PTK6: variants seen among roughly 807,000 people sequenced by gnomAD.
PTK6 encodes protein tyrosine kinase 6.
PTK6 carries 47 observed loss-of-function variants against 47.5 expected under a neutral mutation model. The observed-to-expected ratio is 0.99, with a 90% CI of 0.78 to 1.26. The LOEUF is 1.26. PTK6 is among the 50% of genes most tolerant of loss of function. PTK6 has a pLI of 0.00. For synonymous variants in PTK6, 287 were observed against 276.5 expected (o/e 1.04, Z -0.38); for missense variants, 618 against 625.3 (o/e 0.99, Z 0.12).
chr20:63,531,663 C>T (rs541896272), intron 5 of PTK6, among the ~76,000 whole-genome samples: 6 of 151,056 alleles, frequency 4.0e-5, no homozygotes, highest in African/African-American at 1.5e-4. Context: ...TCTAGCCCAG[C>T]GATTTCCCTT....
chr20:63,532,295 T>G (rs958685835), intron 5 of PTK6, among the ~76,000 whole-genome samples: 11 of 124,780 alleles, frequency 8.8e-5, no homozygotes, highest in African/African-American at 4.7e-4. Context: ...GTGATGTGTC[T>G]TGTGTGTGTG....
rs775023802 is a variant in PTK6, at chr20:63,537,147, G to T, written c.168C>A (p.Ala56=). Residue 56 remains alanine (A), a synonymous_variant, in exon 1 of 8, where the codon GCC becomes GCA. Transcript: ENST00000542869. The part of the protein sequence containing the change: ...WATLLDEAGG[A]VAQGYVPHNY... Reference sequence around the variant, plus strand: ...TGTGGGGCACATAGCCCTGGGCCACGGCCCCACCCGCCTCGTCCAGCAGCG... The same window carrying T: ...TGTGGGGCACATAGCCCTGGGCCACTGCCCCACCCGCCTCGTCCAGCAGCG... 1.9e-6 allele frequency: 3 copies of T among 1,610,216 alleles called. No individual in the cohort carries two copies. Among genetic ancestry groups the T allele is most frequent in the East Asian group, 4.5e-5 (2 of 44,684 alleles).
rs532542084 is a variant in PTK6, at chr20:63,529,988, G to C, written c.1168+90C>G. On this transcript the variant is annotated intron_variant, in intron 7 of 7. Transcript: ENST00000542869. The surrounding 1 kb of genome is among the most constrained non-coding windows in gnomAD (Gnocchi z 5.6). ...GCCCGCGGAGGGCCCTGAAGCCCGT[G>C]GGGGAGGCACCCCCCAGCGTCCCTG... The C allele has an allele frequency of 1.3e-6, 2 of 1,493,608 alleles. No individual in the cohort carries two copies. The highest frequency in any genetic ancestry group is 1.8e-6 in the Non-Finnish European group (2 of 1,092,334). The allele number at this position is 1,493,608 out of a possible 1,614,324, so 92.5% of individuals were successfully genotyped here.
chr20:63,530,047 C>T lies in PTK6; in HGVS notation c.1168+31G>A, dbSNP rs1351665169. 4.3e-6 allele frequency: 7 copies of T among 1,611,664 alleles called. No individual in the cohort carries two copies. In the South Asian group the frequency reaches 5.5e-5, roughly 13 times the overall value. On this transcript the variant is annotated intron_variant, in intron 7 of 7. Coordinates refer to ENST00000542869, the MANE Select transcript of PTK6 (RefSeq NM_005975.4). This position sits in a 1 kb window ranked among gnomAD's most constrained non-coding sequence, Gnocchi z 4.1. ...CCAGGACCTCCCCCACTCTGCCTCT[C>T]ATGCCCAGTCAGGGACAGTGGGGAC...
At chr20:63,531,436 AAAT>A (rs1216581349) in intron 5 of PTK6, among the ~76,000 whole-genome samples, 17 of 106,894 alleles carry the variant, frequency 1.6e-4, no homozygotes, top group African/African-American at 1.0e-3. Flanking sequence ...AAAAAAAAAA[AAAT>A]ATATATATAT....
At chr20:63,534,902 C>T (rs760579268) in intron 2 of PTK6, 36 bp downstream of exon 2, 6 of 1,567,296 alleles carry the variant, frequency 3.8e-6, no homozygotes, top group Non-Finnish European at 4.3e-6. Flanking sequence ...CAGGAGCCCC[C>T]GCAGGCAAGC....
At chr20:63,536,700 C>T in intron 1 of PTK6, among the ~76,000 whole-genome samples, 1 of 152,188 alleles carries the variant, frequency 6.6e-6, no homozygotes, top group East Asian at 1.9e-4. Flanking sequence ...GCTTCGTTTC[C>T]CCCAAAGGCC....
chr20:63,534,094 G>A, intron 3 of PTK6, 58 bp downstream of exon 3: 2 of 1,477,886 alleles, frequency 1.4e-6, no homozygotes, highest in Non-Finnish European at 1.8e-6. Context: ...AGTAGGAAAT[G>A]CCAGCCTGTG....
At chr20:63,534,514 C>T (rs914050850) in intron 2 of PTK6, among the ~76,000 whole-genome samples, 199 bp from the exon 3 acceptor site, 6 of 152,216 alleles carry the variant, frequency 3.9e-5, no homozygotes, top group African/African-American at 1.4e-4. Context: ...TCTGGCCCCT[C>T]CTGCCCCCGT....
In PTK6 at chr20:63,533,719, G is replaced by T; in HGVS notation, c.517-15C>A. ...TCAGGCTCGTGCTGGAGGAAGAGTC[G>T]GGGACACAGGGCAGGGGCTCATCCT... On this transcript the variant is annotated splice_polypyrimidine_tract_variant and intron_variant, in intron 3 of 7. Transcript: ENST00000542869. The surrounding 1 kb of genome is among the most constrained non-coding windows in gnomAD (Gnocchi z 4.0). 6.2e-7 allele frequency: 1 copy of T among 1,607,684 alleles called. No homozygotes were observed. Among genetic ancestry groups the T allele is most frequent in the Non-Finnish European group, 8.5e-7 (1 of 1,177,152 alleles).
At position 63,529,277 on chromosome 20, in the gene PTK6, C is replaced by T. The variant is rs2082599656; in HGVS notation, c.*259G>A. The stretch of plus-strand genomic sequence containing the variant: ...CAGAGTCCCCTCTGACCTCTGCTGG[C>T]TTCGTGTCAGTCTCCCGGATCTCAT... On this transcript the variant is annotated 3_prime_UTR_variant, in exon 8 of 8. Coordinates refer to ENST00000542869, the MANE Select transcript of PTK6 (RefSeq NM_005975.4). The surrounding 1 kb of genome is among the most constrained non-coding windows in gnomAD (Gnocchi z 5.6). The T allele has an allele frequency of 5.3e-6, 2 of 377,138 alleles. No individual in the cohort carries two copies. The highest frequency in any genetic ancestry group is 9.5e-6 in the Non-Finnish European group (2 of 209,670). 23.4% of individuals were successfully genotyped at this position (377,138 alleles called of 1,614,324 possible).
At chr20:63,532,771 A>G in intron 4 of PTK6, 84 bp from the exon 5 acceptor site, 1 of 1,512,844 alleles carries the variant, frequency 6.6e-7, no homozygotes, top group East Asian at 2.3e-5. Context: ...CCCCACACAC[A>G]GCAGCCATCA....
At chr20:63,534,083 C>T in intron 3 of PTK6, 69 bp downstream of exon 3, 16 of 1,468,986 alleles carry the variant, frequency 1.1e-5, no homozygotes, top group South Asian at 1.1e-4. Flanking sequence ...CAACCTCTCC[C>T]AGTAGGAAAT....
intron 5 of PTK6, among the ~76,000 whole-genome samples, chr20:63,532,299 G>A (rs1421150705): frequency 7.1e-6 from 1 of 140,500 alleles, no homozygotes; most frequent in African/African-American, 3.3e-5. Context: ...TGTGTCTTGT[G>A]TGTGTGTCTG....
chr20:63,534,901 C>A (rs775395566), intron 2 of PTK6, 37 bp downstream of exon 2: 1 of 1,567,198 alleles, frequency 6.4e-7, no homozygotes, highest in East Asian at 2.3e-5. Flanking sequence ...CCAGGAGCCC[C>A]CGCAGGCAAG....
In PTK6 at chr20:63,530,326, G is replaced by A; in HGVS notation, c.1015-95C>T. On this transcript the variant is annotated intron_variant, in intron 6 of 7. Coordinates refer to ENST00000542869, the MANE Select transcript of PTK6 (RefSeq NM_005975.4). The surrounding 1 kb of genome is among the most constrained non-coding windows in gnomAD (Gnocchi z 4.1). Reference sequence around the variant, plus strand: ...ACAGCGGCCGCATTGCCCCAGCAGTGGGACGGTGATGACCCCACTGTCTGA... The same window carrying A: ...ACAGCGGCCGCATTGCCCCAGCAGTAGGACGGTGATGACCCCACTGTCTGA... The A allele has an allele frequency of 6.7e-7, 1 of 1,495,530 alleles. No homozygotes were observed. The highest frequency in any genetic ancestry group is 1.4e-5 in the African/African-American group (1 of 72,836). 92.6% of individuals were successfully genotyped at this position (1,495,530 alleles called of 1,614,324 possible). A position where few individuals can be genotyped will look rare whatever the true frequency, so the allele number is the denominator to read the frequency against.
chr20:63,537,360 C>T lies in PTK6; in HGVS notation c.-46G>A. 1 of 1,494,610 alleles carries T rather than the reference C, an allele frequency of 6.7e-7. No homozygotes were observed. 92.6% of individuals were successfully genotyped at this position (1,494,610 alleles called of 1,614,324 possible). A position where few individuals can be genotyped will look rare whatever the true frequency, so the allele number is the denominator to read the frequency against. On this transcript the variant is annotated 5_prime_UTR_variant, in exon 1 of 8. Transcript: ENST00000542869. The stretch of plus-strand genomic sequence containing the variant: ...GGACCAGGCTGTGGCCCAGCTGGAG[C>T]ACCCAGAGCTGGGCGTGGCAGGCGG...
At chr20:63,536,137 C>A (rs74179810) in intron 1 of PTK6, among the ~76,000 whole-genome samples, 5 of 1,310 alleles carry the variant, frequency 3.8e-3, no homozygotes, top group Non-Finnish European at 8.3e-3. Flanking sequence ...TCCAGCCCCC[C>A]CCACCTAGCC....
chr20:63,534,665 G>A (rs1269292109), intron 2 of PTK6, among the ~76,000 whole-genome samples: 1 of 152,112 alleles, frequency 6.6e-6, no homozygotes. Flanking sequence ...GTTCCCATGG[G>A]TGCTGAGGAC....
Sources: allele counts gnomAD v4.1 joint callset (sites outside exome capture counted in the v4.1 genomes callset), GRCh38; gene constraint gnomAD v4.1.1; non-coding constraint Gnocchi (gnomAD v3.1); transcripts MANE v1.5; gene names NCBI Gene and HGNC (gene_info 2026-07-23, HGNC 2026-07-21).